Variants in TOX3 observed in about 807,000 individuals in gnomAD.
The protein encoded by TOX3 is CAG trinucleotide repeat-containing gene F9 protein.
Under a neutral mutation model 64.3 loss-of-function variants are expected in TOX3, and 22 were observed. That is an observed-to-expected ratio of 0.34 (90% confidence interval 0.24 to 0.49). The LOEUF (loss-of-function observed/expected upper bound fraction) is 0.49. Among genes scored for constraint, TOX3 ranks in the 20% least tolerant of loss-of-function variants. The pLI, the probability that TOX3 is intolerant of heterozygous loss-of-function variation, is 0.99. For missense variants in TOX3, 661 were observed against 714.4 expected (o/e 0.93, Z 0.85); for synonymous variants, 291 against 273.6 (o/e 1.06, Z -0.63).
At position 52,510,225 on chromosome 16, in the gene TOX3, C is replaced by T. The variant is rs533627087; in HGVS notation, c.87+36412G>A. On this transcript the variant is annotated intron_variant, in intron 1 of 6. Transcript: ENST00000219746. The stretch of plus-strand genomic sequence containing the variant: ...TTTTTCCCCTTTCTCTTAGACTAGG[C>T]ATGAATAATCTCAAAATATTTGTTT... Among the ~76,000 whole-genome samples the T allele has an allele frequency of 9.1e-4, 137 of 150,624 alleles. 2 individuals are homozygous for T. In the South Asian group the frequency reaches 0.028, roughly 31 times the overall value.
intron 1 of TOX3, among the ~76,000 whole-genome samples, chr16:52,523,902 GAT>G (rs1399861474): frequency 2.0e-5 from 3 of 152,144 alleles, no homozygotes; most frequent in African/African-American, 7.2e-5. Flanking sequence ...CAGTTCATTA[GAT>G]TCATTTAAAG....
intron 1 of TOX3, among the ~76,000 whole-genome samples, chr16:52,527,604 C>T (rs892701904): frequency 1.3e-5 from 2 of 152,172 alleles, no homozygotes; most frequent in Non-Finnish European, 2.9e-5. Context: ...TGCTGAAACA[C>T]GCGTAGATTA....
chr16:52,452,784 A>G (rs1413419717), intron 3 of TOX3, among the ~76,000 whole-genome samples: 1 of 152,250 alleles, frequency 6.6e-6, no homozygotes, highest in African/African-American at 2.4e-5. Flanking sequence ...TCTGCCAACA[A>G]GTGTTAGAAT....
chr16:52,513,164 G>C (rs1355692675), intron 1 of TOX3, among the ~76,000 whole-genome samples: 1 of 152,150 alleles, frequency 6.6e-6, no homozygotes, highest in East Asian at 1.9e-4. Flanking sequence ...CTTACTCAAA[G>C]AACAATATTA....
chr16:52,492,216 T>TA (rs1961706359), intron 1 of TOX3, among the ~76,000 whole-genome samples: 1 of 147,226 alleles, frequency 6.8e-6, no homozygotes, highest in Non-Finnish European at 1.5e-5. Flanking sequence ...ATATATATAT[T>TA]TATATTATAT....
intron 1 of TOX3, among the ~76,000 whole-genome samples, chr16:52,517,155 C>A (rs80018634): frequency 0.011 from 1,659 of 152,244 alleles, 31 homozygotes; most frequent in African/African-American, 0.038. Flanking sequence ...CTGCCCCCTG[C>A]CATAACTATC....
intron 1 of TOX3, among the ~76,000 whole-genome samples, chr16:52,498,857 C>G (rs1028192989): frequency 6.6e-6 from 1 of 152,214 alleles, no homozygotes; most frequent in Middle Eastern, 3.2e-3. Flanking sequence ...AAGACAATTA[C>G]GTATTCAAAT....
rs544633408 is a variant in TOX3 at position 52,450,526 on chromosome 16, C to G, written c.429G>C (p.Val143=). Residue 143 remains valine (V), a synonymous_variant, in exon 4 of 7, where the codon GTG becomes GTC. Coordinates refer to ENST00000219746, the MANE Select transcript of TOX3 (RefSeq NM_001080430.4). ...GLHMDQSHTQ[V]SQYRQDPSLI... is the part of the protein sequence containing the mutation. ...GGGAGGGATCCTGCCGGTACTGGGA[C>G]ACTTGTGTGTGGCTCTGATCCTAGA... 6.8e-6 allele frequency: 11 copies of G among 1,614,020 alleles called. No individual in the cohort carries two copies. In the Admixed American group the frequency reaches 1.7e-4, roughly 24 times the overall value.
At chr16:52,487,958 G>A (rs540557008) in intron 1 of TOX3, among the ~76,000 whole-genome samples, 8 of 152,218 alleles carry the variant, frequency 5.3e-5, no homozygotes, top group African/African-American at 1.9e-4. Flanking sequence ...CTAAAAAAAT[G>A]AAACTGACCC....
At chr16:52,512,297 C>G (rs1035379241) in intron 1 of TOX3, among the ~76,000 whole-genome samples, 5 of 152,120 alleles carry the variant, frequency 3.3e-5, no homozygotes, top group African/African-American at 9.7e-5. Context: ...AAATAGTTGA[C>G]CAAGTACCAG....
chr16:52,536,022 C>T (rs1371404056), intron 1 of TOX3, among the ~76,000 whole-genome samples: 3 of 152,198 alleles, frequency 2.0e-5, no homozygotes, highest in Admixed American at 6.5e-5. Context: ...AAATACTAAA[C>T]TACAACCAGA....
chr16:52,441,660 C>G (rs1959993270), intron 6 of TOX3, among the ~76,000 whole-genome samples: 1 of 152,108 alleles, frequency 6.6e-6, no homozygotes, highest in South Asian at 2.1e-4. Flanking sequence ...CCATTATCTT[C>G]AATAATTTTA....
chr16:52,445,396 C>A (rs1960135058), intron 5 of TOX3: 1 of 152,250 alleles, frequency 6.6e-6, no homozygotes, highest in Non-Finnish European at 1.5e-5. Context: ...GGAACCCATT[C>A]TTCCCTTCAT....
chr16:52,453,517 T>A (rs1265649450), intron 3 of TOX3, among the ~76,000 whole-genome samples: 1 of 152,174 alleles, frequency 6.6e-6, no homozygotes, highest in African/African-American at 2.4e-5. Flanking sequence ...CCATCTTATT[T>A]AAATCTAGAT....
chr16:52,461,843 G>C (rs895450155), intron 3 of TOX3, among the ~76,000 whole-genome samples: 3 of 152,084 alleles, frequency 2.0e-5, no homozygotes, highest in Non-Finnish European at 4.4e-5. Flanking sequence ...AGTACCCGCA[G>C]AGAGATATAG....
chr16:52,547,682 C>T (rs1420295679), upstream of TOX3: 5 of 152,234 alleles, frequency 3.3e-5, no homozygotes, highest in Non-Finnish European at 7.3e-5. Context: ...CGAGTGTCTC[C>T]CGGTAGCCGG....
intron 1 of TOX3, among the ~76,000 whole-genome samples, chr16:52,491,256 T>A (rs1333277592): frequency 6.6e-6 from 1 of 151,986 alleles, no homozygotes; most frequent in Non-Finnish European, 1.5e-5. Context: ...CATAGAAGGA[T>A]CCTTTTCTGT....
intron 1 of TOX3, among the ~76,000 whole-genome samples, chr16:52,537,878 T>TA (rs57403617): frequency 0.037 from 4,062 of 110,856 alleles, 69 homozygotes; most frequent in South Asian, 0.064. Context: ...GCTGATATGA[T>TA]AAAAAAAAAA....
chr16:52,483,154 G>A (rs1285602248), intron 1 of TOX3, among the ~76,000 whole-genome samples: 2 of 152,040 alleles, frequency 1.3e-5, no homozygotes, highest in African/African-American at 4.8e-5. Flanking sequence ...GGAAAACCAC[G>A]CCTTCAACAA....
Sources: allele counts gnomAD v4.1 joint callset (sites outside exome capture counted in the v4.1 genomes callset), GRCh38; gene constraint gnomAD v4.1.1; transcripts MANE v1.5; gene names NCBI Gene and HGNC (gene_info 2026-07-23, HGNC 2026-07-21).